Variants in CELSR1 observed in about 807,000 individuals in gnomAD.
CELSR1 encodes adhesion G protein-coupled receptor C1.
A neutral mutation model predicts 249.1 loss-of-function variants in CELSR1; 110 were observed. The ratio of observed to expected loss-of-function variants is 0.44; its 90% confidence interval spans 0.38 to 0.52. The LOEUF (loss-of-function observed/expected upper bound fraction) is 0.52, where lower values mean the gene tolerates loss of function less well. Ranked by LOEUF, CELSR1 falls within the 20% of genes least tolerant of loss-of-function variation. The probability of loss-of-function intolerance (pLI) is 0.00; values close to 1 mark genes in which losing one functional copy is unlikely to be tolerated. For missense variants in CELSR1, 4,109 were observed against 4,296.4 expected (o/e 0.96, Z 1.22); for synonymous variants, 2,113 against 1,900.0 (o/e 1.11, Z -2.92).
At position 46,501,199 on chromosome 22, in the gene CELSR1, ATTTTT is replaced by A. The variant is rs57293109; in HGVS notation, c.3544+32423_3544+32427del. Among the ~76,000 whole-genome samples, 468 of 108,528 alleles carry A rather than the reference ATTTTT, an allele frequency of 4.3e-3. 17 individuals are homozygous for A. The East Asian group carries it at 0.08, about 19-fold the overall frequency. 71.2% of individuals were successfully genotyped at this position (108,528 alleles called of 152,430 possible). A position where few individuals can be genotyped will look rare whatever the true frequency, so the allele number is the denominator to read the frequency against. On this transcript the variant is annotated intron_variant, in intron 1 of 34. Coordinates refer to ENST00000674500, the MANE Select transcript of CELSR1 (RefSeq NM_001378328.1). ...AGGCACCCGCCATCATGCCCGGCTA[ATTTTT>A]TTTTTTTTTTTTTTTTTTTTGAGAC...
At chr22:46,458,659 G>A (rs1025820176) in intron 2 of CELSR1, among the ~76,000 whole-genome samples, 3 of 152,172 alleles carry the variant, frequency 2.0e-5, no homozygotes, top group Admixed American at 6.5e-5. Context: ...GGAGGCCCGG[G>A]GCATCTGACC....
intron 9 of CELSR1, among the ~76,000 whole-genome samples, chr22:46,404,170 G>A (rs1006975274): frequency 6.6e-6 from 1 of 152,046 alleles, no homozygotes; most frequent in Admixed American, 6.6e-5. Flanking sequence ...CCAGCACTTT[G>A]GGAGATCGAG....
rs1286883323 is a variant in CELSR1, at chr22:46,471,308, A to C, written c.3545-6963T>G. ...TGAAACAGTTTTAGATTTACAAAAA[A>C]ATTACTAATACAGCGGGTTCCCAGA... On this transcript the variant is annotated intron_variant, in intron 1 of 34. Coordinates refer to ENST00000674500, the MANE Select transcript of CELSR1 (RefSeq NM_001378328.1). This position sits in a 1 kb window ranked among gnomAD's most constrained non-coding sequence, Gnocchi z 4.9. 6.6e-6 allele frequency among the ~76,000 whole-genome samples: 1 copy of C among 152,192 alleles called. No individual in the cohort carries two copies. Among genetic ancestry groups the C allele is most frequent in the Non-Finnish European group, 1.5e-5 (1 of 68,040 alleles).
chr22:46,454,710 C>T lies in CELSR1; in HGVS notation c.4183+8997G>A, dbSNP rs1367777392. 2.0e-5 allele frequency among the ~76,000 whole-genome samples: 3 copies of T among 152,252 alleles called. No homozygotes were observed. The highest frequency in any genetic ancestry group is 1.9e-4 in the East Asian group (1 of 5,198). On this transcript the variant is annotated intron_variant, in intron 2 of 34. Coordinates refer to ENST00000674500, the MANE Select transcript of CELSR1 (RefSeq NM_001378328.1). This position sits in a 1 kb window ranked among gnomAD's most constrained non-coding sequence, Gnocchi z 5.1. ...ACCCTCTGCTCCTGCGCTTAGCGTTCGCAAAGGTAAACACATCGCAGAAAC... is the reference window on the plus strand; with the variant it reads ...ACCCTCTGCTCCTGCGCTTAGCGTTTGCAAAGGTAAACACATCGCAGAAAC...
chr22:46,482,147 T>C (rs2080272681), intron 1 of CELSR1, among the ~76,000 whole-genome samples: 1 of 152,220 alleles, frequency 6.6e-6, no homozygotes, highest in South Asian at 2.1e-4. Context: ...CAAGAAGAGC[T>C]GCATGTCTCA....
At position 46,534,164 on chromosome 22, in the gene CELSR1, C is replaced by G. The variant is rs778550213; in HGVS notation, c.3007G>C (p.Glu1003Gln). Reference sequence around the variant, plus strand: ...TTCTCCTCAACAAACAGCTCCAGTTCGTCCTTCTCAAACATGGGGGCATTG... The same window carrying G: ...TTCTCCTCAACAAACAGCTCCAGTTGGTCCTTCTCAAACATGGGGGCATTG... ...NDNAPMFEKDELELFVEENNP... is the reference protein window; with the variant it reads ...NDNAPMFEKDQLELFVEENNP... The change falls in exon 1 of 35, where the codon GAA becomes CAA. Residue 1003 changes from glutamate (E) to glutamine (Q), a missense_variant. Around this residue, in one of 7 missense-constraint regions of CELSR1, gnomAD observed 886 missense variants for 896.5 expected, o/e 0.99. Transcript: ENST00000674500. This position sits in a 1 kb window ranked among gnomAD's most constrained non-coding sequence, Gnocchi z 9.7. 1.2e-6 allele frequency: 2 copies of G among 1,613,908 alleles called. No homozygotes were observed. The highest frequency in any genetic ancestry group is 1.1e-5 in the South Asian group (1 of 91,074).
rs907330456 is a variant in CELSR1, at chr22:46,512,450, T to C, written c.3544+21177A>G. On this transcript the variant is annotated intron_variant, in intron 1 of 34. Coordinates refer to ENST00000674500, the MANE Select transcript of CELSR1 (RefSeq NM_001378328.1). This position sits in a 1 kb window ranked among gnomAD's most constrained non-coding sequence, Gnocchi z 5.2. Reference sequence around the variant, plus strand: ...AGCCCGGTGTGGTGGTGTACACCTATAATCCCAGCTACGTAGAAGGCTGAG... The same window carrying C: ...AGCCCGGTGTGGTGGTGTACACCTACAATCCCAGCTACGTAGAAGGCTGAG... 2.0e-5 allele frequency among the ~76,000 whole-genome samples: 3 copies of C among 152,192 alleles called. No homozygotes were observed. The highest frequency in any genetic ancestry group is 2.9e-5 in the Non-Finnish European group (2 of 68,040).
intron 18 of CELSR1, 103 bp from the exon 19 acceptor site, chr22:46,386,688 C>G (rs953037040): frequency 4.5e-6 from 4 of 890,672 alleles, no homozygotes; most frequent in Non-Finnish European, 5.0e-6. Context: ...TGGGCTCATT[C>G]ATTCATTCCA....
chr22:46,397,610 C>T lies in CELSR1; in HGVS notation c.5701+64G>A, dbSNP rs545205149. ...GACGCTAATGTCTAAACTGAGCCCC[C>T]CTCCTGTGTTTCAGCCATAAGAGAC... On this transcript the variant is annotated intron_variant, in intron 12 of 34. Transcript: ENST00000674500. The T allele has an allele frequency of 5.2e-6, 7 of 1,350,156 alleles. No individual in the cohort carries two copies. In the African/African-American group the frequency reaches 7.5e-5, roughly 14 times the overall value. 83.6% of individuals were successfully genotyped at this position (1,350,156 alleles called of 1,614,324 possible).
intron 1 of CELSR1, among the ~76,000 whole-genome samples, chr22:46,470,761 G>A (rs148560797): frequency 2.2e-4 from 34 of 152,178 alleles, no homozygotes; most frequent in African/African-American, 6.5e-4. Context: ...GGAATATGAC[G>A]CAGCTAAACC....
In CELSR1 at chr22:46,436,405, G is replaced by C. The variant is rs1425364809; in HGVS notation, c.4407-116C>G. 5.9e-6 allele frequency: 4 copies of C among 675,006 alleles called. No individual in the cohort carries two copies. The East Asian group carries it at 8.2e-5, about 14-fold the overall frequency. 41.8% of individuals were successfully genotyped at this position (675,006 alleles called of 1,614,324 possible). ...GCACGTGGGGCTACGATTCAGGAAAGAATGGTGTCAGGCATGCGTCCTTCT... is the reference window on the plus strand; with the variant it reads ...GCACGTGGGGCTACGATTCAGGAAACAATGGTGTCAGGCATGCGTCCTTCT... On this transcript the variant is annotated intron_variant, in intron 3 of 34. Coordinates refer to ENST00000674500, the MANE Select transcript of CELSR1 (RefSeq NM_001378328.1). The surrounding 1 kb of genome is among the most constrained non-coding windows in gnomAD (Gnocchi z 5.9).
intron 27 of CELSR1, among the ~76,000 whole-genome samples, chr22:46,368,347 G>A (rs948641716): frequency 5.3e-5 from 8 of 152,074 alleles, no homozygotes; most frequent in African/African-American, 1.7e-4. Flanking sequence ...GACAGAGCCC[G>A]CAAGGTCCAC....
At position 46,380,184 on chromosome 22, in the gene CELSR1, C is replaced by T. The variant is rs939276188; in HGVS notation, c.7256+604G>A. Among the ~76,000 whole-genome samples the T allele has an allele frequency of 6.6e-6, 1 of 152,198 alleles. No homozygotes were observed. The highest frequency in any genetic ancestry group is 1.5e-5 in the Non-Finnish European group (1 of 68,032). ...TTTTTCTAACGACGAAACGCCTTTC[C>T]CTCGCTTGCATGGATGCTAGAACAC... On this transcript the variant is annotated intron_variant, in intron 22 of 34. Transcript: ENST00000674500. The surrounding 1 kb of genome is among the most constrained non-coding windows in gnomAD (Gnocchi z 5.1).
In CELSR1 at chr22:46,365,608, G is replaced by A. The variant is rs2078760596; in HGVS notation, c.8382C>T (p.Pro2794=). The change falls in exon 31 of 35, where the codon CCC becomes CCT. Residue 2794 remains proline (P), a synonymous_variant. Coordinates refer to ENST00000674500, the MANE Select transcript of CELSR1 (RefSeq NM_001378328.1). Reference sequence around the variant, plus strand: ...TACCAGGGGGATCCTTGCAGCTCCTGGGCATGAGGGACGCGTCTGGCTCTC... The same window carrying A: ...TACCAGGGGGATCCTTGCAGCTCCTAGGCATGAGGGACGCGTCTGGCTCTC... ...SHGEPDASLM[P]RSCKDPPGHD... The A allele has an allele frequency of 5.0e-6, 8 of 1,593,818 alleles. No individual in the cohort carries two copies. Among genetic ancestry groups the A allele is most frequent in the Non-Finnish European group, 6.8e-6 (8 of 1,170,916 alleles).
chr22:46,533,551 G>A (rs1308590909), intron 1 of CELSR1, 76 bp downstream of exon 1: 62 of 1,495,410 alleles, frequency 4.1e-5, no homozygotes, highest in East Asian at 4.1e-4. Flanking sequence ...CATGCCAGGC[G>A]GAGCCCTTGG....
intron 1 of CELSR1, chr22:46,481,658 G>A (rs1323438190): frequency 1.1e-4 from 70 of 640,582 alleles, no homozygotes; most frequent in Non-Finnish European, 1.8e-4. Context: ...ATGAGACAAT[G>A]CATCTTCCAG....
Position 46,402,321 on chromosome 22 carries a change from A to C in CELSR1, c.5227-2419T>G, listed in dbSNP as rs1225428800. Among the ~76,000 whole-genome samples the C allele has an allele frequency of 6.6e-6, 1 of 151,330 alleles. No individual in the cohort carries two copies. Among genetic ancestry groups the C allele is most frequent in the Non-Finnish European group, 1.5e-5 (1 of 67,922 alleles). On this transcript the variant is annotated intron_variant, in intron 9 of 34. Transcript: ENST00000674500. This position sits in a 1 kb window ranked among gnomAD's most constrained non-coding sequence, Gnocchi z 5.0. ...AAACTCCACCTCCCAGGTTCAAGTG[A>C]TTCTCCTGCCTCAGCCTCCCGAGTA...
chr22:46,362,910 C>G lies in CELSR1; in HGVS notation c.*313G>C, dbSNP rs2078721396. On this transcript the variant is annotated 3_prime_UTR_variant, in exon 35 of 35. Transcript: ENST00000674500. ...CCCAGTCTGGGGTCCCCTCTCAGTT[C>G]TGGCTTTGACTGCAGTCTTAGGACT... The G allele has an allele frequency of 2.0e-6, 1 of 500,592 alleles. No homozygotes were observed. The highest frequency in any genetic ancestry group is 3.6e-6 in the Non-Finnish European group (1 of 280,218). 31.0% of individuals were successfully genotyped at this position (500,592 alleles called of 1,614,324 possible). A position where few individuals can be genotyped will look rare whatever the true frequency, so the allele number is the denominator to read the frequency against.
chr22:46,436,028 T>G lies in CELSR1; in HGVS notation c.4522+146A>C. ...ATGAACATCTTTGTGTACTTTGGAT[T>G]TCTTAAATAAGACAGCTTCCTAGAC... On this transcript the variant is annotated intron_variant, in intron 4 of 34. Coordinates refer to ENST00000674500, the MANE Select transcript of CELSR1 (RefSeq NM_001378328.1). This position sits in a 1 kb window ranked among gnomAD's most constrained non-coding sequence, Gnocchi z 5.9. 3 of 622,388 alleles carry G rather than the reference T, an allele frequency of 4.8e-6. No individual in the cohort carries two copies. Among genetic ancestry groups the G allele is most frequent in the Non-Finnish European group, 5.6e-6 (2 of 358,930 alleles). 38.6% of individuals were successfully genotyped at this position (622,388 alleles called of 1,614,324 possible). A position where few individuals can be genotyped will look rare whatever the true frequency, so the allele number is the denominator to read the frequency against.
Sources: allele counts gnomAD v4.1 joint callset (sites outside exome capture counted in the v4.1 genomes callset), GRCh38; gene constraint gnomAD v4.1.1; regional missense constraint gnomAD v4.1.1; non-coding constraint Gnocchi (gnomAD v3.1); transcripts MANE v1.5; gene names NCBI Gene and HGNC (gene_info 2026-07-23, HGNC 2026-07-21).